The following KIAA2012 variants were observed in gnomAD, a reference collection of about 807,000 sequenced individuals.
KIAA2012 encodes KIAA2012, also known as uncharacterized protein KIAA2012.
Under a neutral mutation model 150.6 loss-of-function variants are expected in KIAA2012, and 125 were observed. The ratio of observed to expected loss-of-function variants is 0.83; its 90% CI spans 0.72 to 0.96. The LOEUF (loss-of-function observed/expected upper bound fraction) is 0.96, where lower values mean the gene tolerates loss of function less well. Among genes scored for constraint, KIAA2012 ranks in the 40% least tolerant of loss-of-function variants. KIAA2012 has a pLI of 0.00. For missense variants in KIAA2012, 1,219 were observed against 1,354.9 expected, an observed-to-expected ratio of 0.90 and a Z score of 1.57; for synonymous variants, 462 against 504.7, an observed-to-expected ratio of 0.92 and a Z score of 1.13.
At position 202,138,449 on chromosome 2, in the gene KIAA2012, GC is replaced by G. The variant is rs770490677; in HGVS notation, c.1851del (p.Asn618IlefsTer4). On this transcript the variant is annotated frameshift_variant, in exon 13 of 24. Coordinates refer to ENST00000498697, the MANE Select transcript of KIAA2012 (RefSeq NM_001277372.4). LOFTEE classifies it high-confidence loss of function. ...HFLKANTEPR[A>X]NLHMNLYETS... is the part of the protein sequence containing the mutation. Reference sequence around the variant, plus strand: ...CACTACAGCAAACACTGAACCTAGAGCCAATCTTCACATGAACCTTTATGAA... The same window carrying G: ...CACTACAGCAAACACTGAACCTAGAGCAATCTTCACATGAACCTTTATGAA... 1 of 1,550,590 alleles carries G rather than the reference GC, an allele frequency of 6.4e-7. No homozygotes were observed. Among genetic ancestry groups the G allele is most frequent in the South Asian group, 1.2e-5 (1 of 84,050 alleles).
chr2:202,097,616 G>A (rs1277499287), intron 5 of KIAA2012, 39 bp downstream of exon 5: 4 of 1,536,438 alleles, frequency 2.6e-6, no homozygotes, highest in Non-Finnish European at 2.6e-6. Context: ...CCGAGACGGA[G>A]TCTCACTCTG....
chr2:202,124,607 A>C (rs1369419597), intron 11 of KIAA2012, among the ~76,000 whole-genome samples: 1 of 152,216 alleles, frequency 6.6e-6, no homozygotes, highest in Non-Finnish European at 1.5e-5. Context: ...TCAAACGTTA[A>C]CTGTTTCATG....
At chr2:202,157,948 G>A (rs1306305997) in intron 14 of KIAA2012, among the ~76,000 whole-genome samples, 1 of 152,102 alleles carries the variant, frequency 6.6e-6, no homozygotes, top group Non-Finnish European at 1.5e-5. Flanking sequence ...CAAGTTCTGT[G>A]GAGACAATAT....
chr2:202,195,388 T>C (rs542435439), intron 21 of KIAA2012, among the ~76,000 whole-genome samples: 2 of 151,940 alleles, frequency 1.3e-5, no homozygotes, highest in East Asian at 3.9e-4. Context: ...TGTAGTGGTG[T>C]GTGCCTGTAG....
rs1408923999 is a variant in KIAA2012 at position 202,163,318 on chromosome 2, G to T, written c.2047-1966G>T. ...AGGTTTTGATCATGTTGGCCAGGCT[G>T]GTCTCGAGCTCCTGACCTCATGATC... On this transcript the variant is annotated intron_variant, in intron 14 of 23. Transcript: ENST00000498697. 5.3e-5 allele frequency among the ~76,000 whole-genome samples: 8 copies of T among 151,760 alleles called. No homozygotes were observed. In the East Asian group the frequency reaches 1.4e-3, roughly 26 times the overall value.
chr2:202,187,935 T>C (rs998008456), intron 17 of KIAA2012, among the ~76,000 whole-genome samples: 8 of 152,184 alleles, frequency 5.3e-5, no homozygotes, highest in African/African-American at 1.9e-4. Flanking sequence ...CTCTTTCCTC[T>C]TATGAAATTA....
intron 23 of KIAA2012, among the ~76,000 whole-genome samples, chr2:202,203,336 C>A (rs1478217982): frequency 6.6e-6 from 1 of 150,956 alleles, no homozygotes; most frequent in African/African-American, 2.5e-5. Context: ...TAAAGCAAAA[C>A]CACAACCATT....
chr2:202,100,463 G>A lies in KIAA2012; in HGVS notation c.1155+14G>A, dbSNP rs1690015064. 1 of 1,544,888 alleles carries A rather than the reference G, an allele frequency of 6.5e-7. No homozygotes were observed. The highest frequency in any genetic ancestry group is 8.8e-7 in the Non-Finnish European group (1 of 1,142,740). On this transcript the variant is annotated intron_variant, in intron 7 of 23. Transcript: ENST00000498697. ...AAGAAGAAAAAGGTTGTGTGTATAT[G>A]TATGTTTGTGCATACAGGAGAGAGA... is the stretch of plus-strand genomic sequence containing the variant.
chr2:202,099,892 C>A (rs548426243), intron 6 of KIAA2012, 96 bp downstream of exon 6: 2 of 1,059,580 alleles, frequency 1.9e-6, no homozygotes, highest in Non-Finnish European at 2.6e-6. Context: ...CACTTCCTTG[C>A]GCCACTCACC....
Position 202,202,503 on chromosome 2 carries a change from C to T in KIAA2012, c.3482C>T (p.Thr1161Ile). 2.5e-6 allele frequency: 1 copy of T among 399,160 alleles called. No homozygotes were observed. Among genetic ancestry groups the T allele is most frequent in the Non-Finnish European group, 4.4e-6 (1 of 226,170 alleles). 24.7% of individuals were successfully genotyped at this position (399,160 alleles called of 1,614,324 possible). A position where few individuals can be genotyped will look rare whatever the true frequency, so the allele number is the denominator to read the frequency against. Residue 1161 changes from threonine (T) to isoleucine (I), a missense_variant, in exon 23 of 24, where the codon ACA becomes ATA. Transcript: ENST00000498697. ...LHKEASGLQWTQNISRPWVYS... is the reference protein window; with the variant it reads ...LHKEASGLQWIQNISRPWVYS... ...AAGGAAGCCAGTGGCCTGCAGTGGACACAGAACATTTCCAGACCATGGGTT... is the reference window on the plus strand; with the variant it reads ...AAGGAAGCCAGTGGCCTGCAGTGGATACAGAACATTTCCAGACCATGGGTT...
intron 5 of KIAA2012, among the ~76,000 whole-genome samples, chr2:202,097,995 CT>C (rs919112647): frequency 2.6e-5 from 4 of 152,174 alleles, no homozygotes; most frequent in Non-Finnish European, 5.9e-5. Flanking sequence ...GGGAAGAGTA[CT>C]TTGACCTTTT....
At chr2:202,180,123 T>C (rs1692088415) in intron 15 of KIAA2012, among the ~76,000 whole-genome samples, 1 of 151,934 alleles carries the variant, frequency 6.6e-6, no homozygotes, top group Non-Finnish European at 1.5e-5. Flanking sequence ...AATACAAAAT[T>C]AGCCGGGCAT....
chr2:202,194,382 C>G lies in KIAA2012; in HGVS notation c.3187+20C>G. ...GGGCCGGTGAGGGGGTTCTTGAGCT[C>G]TTTGCATCTCTCTTCTACTTGGGGC... On this transcript the variant is annotated intron_variant, in intron 21 of 23. Transcript: ENST00000498697. 1.3e-6 allele frequency: 2 copies of G among 1,548,568 alleles called. No homozygotes were observed. Among genetic ancestry groups the G allele is most frequent in the South Asian group, 1.2e-5 (1 of 83,924 alleles).
In KIAA2012 at chr2:202,136,008, T is replaced by A. The variant is rs534328572; in HGVS notation, c.1832-2424T>A. The A allele has an allele frequency of 9.2e-3, 2,831 of 308,996 alleles. 46 individuals carry two copies. Among genetic ancestry groups the A allele is most frequent in the African/African-American group, 0.038 (1,644 of 42,718 alleles). The allele number at this position is 308,996 out of a possible 1,614,324, so 19.1% of individuals were successfully genotyped here. On this transcript the variant is annotated intron_variant, in intron 12 of 23. Coordinates refer to ENST00000498697, the MANE Select transcript of KIAA2012 (RefSeq NM_001277372.4). ...GATTCAAATTTAAAAAAAAAAAAAA[T>A]TTTTTTTGAAACAGAGTCTCACTCT...
At chr2:202,161,916 A>G (rs914787170) in intron 14 of KIAA2012, among the ~76,000 whole-genome samples, 13 of 152,014 alleles carry the variant, frequency 8.6e-5, no homozygotes, top group Non-Finnish European at 2.9e-5. Flanking sequence ...CAGTCCCTCC[A>G]TTTGTTTTGC....
rs1690128027 is a variant in KIAA2012 at position 202,104,382 on chromosome 2, C to T, written c.1324+1268C>T. Among the ~76,000 whole-genome samples, 1 of 152,146 alleles carries T rather than the reference C, an allele frequency of 6.6e-6. No individual in the cohort carries two copies. The highest frequency in any genetic ancestry group is 6.5e-5 in the Admixed American group (1 of 15,272). On this transcript the variant is annotated intron_variant, in intron 8 of 23. Coordinates refer to ENST00000498697, the MANE Select transcript of KIAA2012 (RefSeq NM_001277372.4). This position sits in a 1 kb window ranked among gnomAD's most constrained non-coding sequence, Gnocchi z 4.3. ...GGCCAACAGATCAGGAGACAGTTGG[C>T]ACTGAAAAGATAGTTTGTTACTCAC...
chr2:202,095,590 A>G (rs1421195767), intron 4 of KIAA2012, among the ~76,000 whole-genome samples: 1 of 152,204 alleles, frequency 6.6e-6, no homozygotes, highest in Non-Finnish European at 1.5e-5. Context: ...AAAGCTTCCA[A>G]TACTTTGCTT....
At chr2:202,137,130 A>T (rs1459226363) in intron 12 of KIAA2012, 1 of 152,232 alleles carries the variant, frequency 6.6e-6, no homozygotes, top group Non-Finnish European at 1.5e-5. Flanking sequence ...AAGTTCAAAA[A>T]GACAAAGATA....
At chr2:202,184,380 T>C (rs761147159) in intron 15 of KIAA2012, among the ~76,000 whole-genome samples, 63 of 105,342 alleles carry the variant, frequency 6.0e-4, no homozygotes, top group African/African-American at 2.0e-3. Flanking sequence ...CAAGACTCCG[T>C]CTCAAAAAAA....
Sources: gnomAD v4.1 joint callset for allele counts (sites outside exome capture counted in the v4.1 genomes callset) on GRCh38, gnomAD v4.1.1 for gene constraint, Gnocchi (gnomAD v3.1) non-coding constraint, MANE v1.5 for transcripts, NCBI Gene and HGNC (gene_info 2026-07-23, HGNC 2026-07-21) for gene names.